DMXL1: variants seen among roughly 807,000 people sequenced by gnomAD.
DMXL1 encodes the protein Dmx like 1.
DMXL1 carries 99 observed loss-of-function variants against 319.2 expected under a neutral mutation model. That is an observed-to-expected ratio of 0.31 (90% CI 0.26 to 0.37). The LOEUF is 0.37. DMXL1 is among the 10% of genes least tolerant of loss of function. The pLI is 1.00. For missense variants in DMXL1, 3,745 were observed against 3,595.6 expected (o/e 1.04, Z -1.06); for synonymous variants, 1,385 against 1,235.2 (o/e 1.12, Z -2.54).
chr5:119,224,412 A>G (rs949099817), intron 37 of DMXL1, among the ~76,000 whole-genome samples: 9 of 152,022 alleles, frequency 5.9e-5, no homozygotes, highest in African/African-American at 9.7e-5. Context: ...ATTCAGGATT[A>G]TTACTGAATA....
rs1581325748 is a variant in DMXL1, at chr5:119,206,904, AT to A, written c.7926+9del. 2 of 1,494,772 alleles carry A rather than the reference AT, an allele frequency of 1.3e-6. No homozygotes were observed. Among genetic ancestry groups the A allele is most frequent in the Non-Finnish European group, 1.8e-6 (2 of 1,114,222 alleles). The allele number at this position is 1,494,772 out of a possible 1,614,324, so 92.6% of individuals were successfully genotyped here. A position where few individuals can be genotyped will look rare whatever the true frequency, so the allele number is the denominator to read the frequency against. On this transcript the variant is annotated intron_variant, in intron 34 of 43. Coordinates refer to ENST00000539542, the MANE Select transcript of DMXL1 (RefSeq NM_001290321.3). The stretch of plus-strand genomic sequence containing the variant: ...GAGCCAAACATCAATAAGGTACAAA[AT>A]ATCATTCAACTGAAATTAAAAATTG...
intron 32 of DMXL1, among the ~76,000 whole-genome samples, chr5:119,200,637 T>C (rs1780529550): frequency 6.6e-6 from 1 of 152,216 alleles, no homozygotes. Flanking sequence ...AGGAATAGCA[T>C]TGAATCTGTA....
At chr5:119,102,788 C>A (rs1490004499) in intron 3 of DMXL1, among the ~76,000 whole-genome samples, 4 of 152,080 alleles carry the variant, frequency 2.6e-5, no homozygotes, top group Non-Finnish European at 5.9e-5. Context: ...CAGTGAGACC[C>A]TGTCTCTAAA....
At chr5:119,108,699 T>A (rs538436629) in intron 4 of DMXL1, among the ~76,000 whole-genome samples, 2 of 152,282 alleles carry the variant, frequency 1.3e-5, no homozygotes, top group East Asian at 3.9e-4. Flanking sequence ...GGATTACAGG[T>A]GTGAGCCACT....
intron 7 of DMXL1, among the ~76,000 whole-genome samples, chr5:119,117,024 G>A (rs1229220059): frequency 6.6e-6 from 1 of 151,590 alleles, no homozygotes; most frequent in African/African-American, 2.4e-5. Context: ...TGTTTTTTAT[G>A]TGTTTTTGTT....
chr5:119,073,060 T>G (rs1032462674), intron 1 of DMXL1, among the ~76,000 whole-genome samples: 2 of 152,206 alleles, frequency 1.3e-5, no homozygotes, highest in African/African-American at 4.8e-5. Flanking sequence ...TTCTAAGAAC[T>G]TTTGCTTTTT....
chr5:119,096,359 A>G (rs1290299913), intron 1 of DMXL1, among the ~76,000 whole-genome samples: 2 of 152,014 alleles, frequency 1.3e-5, no homozygotes, highest in African/African-American at 2.4e-5. Flanking sequence ...TATTTTTAGT[A>G]GAGACGGGGT....
intron 5 of DMXL1, among the ~76,000 whole-genome samples, chr5:119,111,623 C>G (rs1247638620): frequency 3.9e-5 from 6 of 152,078 alleles, no homozygotes; most frequent in African/African-American, 1.2e-4. Context: ...ATTAATAGTT[C>G]TAACCGTATC....
At chr5:119,161,467 T>C (rs1772252262) in intron 19 of DMXL1, among the ~76,000 whole-genome samples, 1 of 152,204 alleles carries the variant, frequency 6.6e-6, no homozygotes, top group Non-Finnish European at 1.5e-5. Context: ...GAGGCTATGT[T>C]TTATAGAAAT....
chr5:119,137,094 C>T (rs1346268937), intron 13 of DMXL1, among the ~76,000 whole-genome samples: 1 of 152,250 alleles, frequency 6.6e-6, no homozygotes, highest in East Asian at 1.9e-4. Flanking sequence ...CCCTGCAGAG[C>T]CACAGGGGCA....
chr5:119,234,282 T>G (rs1281148022), intron 39 of DMXL1, among the ~76,000 whole-genome samples: 2 of 152,162 alleles, frequency 1.3e-5, no homozygotes, highest in African/African-American at 4.8e-5. Flanking sequence ...AAACTGCCTC[T>G]TTTTGCTCCT....
chr5:119,149,321 A>T lies in DMXL1; in HGVS notation c.3494A>T (p.Tyr1165Phe). ...TVGIGSKLFMYGPLAGKVQDQ... is the reference protein window; with the variant it reads ...TVGIGSKLFMFGPLAGKVQDQ... ...GGAATTGGATCAAAACTTTTTATGT[A>T]TGGACCCCTGGCTGGCAAGGTACAA... The change falls in exon 18 of 44, where the codon TAT (tyrosine) becomes TTT (phenylalanine). Residue 1165 changes from tyrosine to phenylalanine, a missense_variant. Tyr to Phe is a conservative substitution (Grantham distance 22). This residue lies in a region of DMXL1 where 2,096 missense variants were observed against 1,985.4 expected (regional missense o/e 1.06). Transcript: ENST00000539542. 2 of 1,613,988 alleles carry T rather than the reference A, an allele frequency of 1.2e-6. No homozygotes were observed. Among genetic ancestry groups the T allele is most frequent in the Non-Finnish European group, 1.7e-6 (2 of 1,179,894 alleles).
intron 21 of DMXL1, 114 bp downstream of exon 21, chr5:119,165,394 T>C: frequency 1.7e-6 from 1 of 589,098 alleles, no homozygotes; most frequent in Non-Finnish European, 2.9e-6. Context: ...TGTAGATTCT[T>C]AGTTGTTTTA....
At chr5:119,143,789 T>C in intron 13 of DMXL1, 52 bp from the exon 14 acceptor site, 1 of 1,235,672 alleles carries the variant, frequency 8.1e-7, no homozygotes, top group Non-Finnish European at 1.1e-6. Flanking sequence ...TTATTTACTC[T>C]TATTTGCATA....
chr5:119,197,405 G>A (rs1466131835), intron 31 of DMXL1, among the ~76,000 whole-genome samples: 1 of 152,190 alleles, frequency 6.6e-6, no homozygotes. Flanking sequence ...AGCTGTCTGG[G>A]CCGCATGCAG....
intron 1 of DMXL1, among the ~76,000 whole-genome samples, chr5:119,088,354 G>C (rs574170382): frequency 6.6e-6 from 1 of 152,026 alleles, no homozygotes; most frequent in Non-Finnish European, 1.5e-5. Context: ...TGGTAAGGTG[G>C]GTTTCTTGTG....
intron 1 of DMXL1, among the ~76,000 whole-genome samples, chr5:119,092,967 A>T (rs1189690525): frequency 6.6e-6 from 1 of 152,152 alleles, no homozygotes; most frequent in African/African-American, 2.4e-5. Context: ...ATTGATGTAC[A>T]GGTTTTTGTG....
chr5:119,172,199 C>A (rs760313245), intron 25 of DMXL1, among the ~76,000 whole-genome samples: 10 of 152,182 alleles, frequency 6.6e-5, no homozygotes, highest in Non-Finnish European at 1.0e-4. Context: ...ATCACAATGC[C>A]TAGTTATTTA....
chr5:119,155,460 AT>A (rs1770802644), intron 19 of DMXL1, among the ~76,000 whole-genome samples: 1 of 152,216 alleles, frequency 6.6e-6, no homozygotes, highest in Non-Finnish European at 1.5e-5. Flanking sequence ...AGAGGAAGTA[AT>A]TGCAGATACG....
Sources: gnomAD v4.1 joint callset for allele counts (sites outside exome capture counted in the v4.1 genomes callset) on GRCh38, gnomAD v4.1.1 for gene constraint, gnomAD v4.1.1 regional missense constraint, MANE v1.5 for transcripts, NCBI Gene and HGNC (gene_info 2026-07-23, HGNC 2026-07-21) for gene names.